The following ZNF33A variants were observed in gnomAD, a reference collection of about 807,000 sequenced individuals.
ZNF33A encodes brain my041 protein.
In ZNF33A, 9 loss-of-function variants were observed where a neutral mutation model predicts 15.9. The observed-to-expected ratio is 0.57, with a 90% confidence interval of 0.34 to 0.99. ZNF33A has a LOEUF of 0.99. Ranked by LOEUF, ZNF33A falls within the 50% of genes least tolerant of loss-of-function variation. The probability of loss-of-function intolerance (pLI) is 0.02; values close to 1 mark genes in which losing one functional copy is unlikely to be tolerated. For missense variants in ZNF33A, 843 were observed against 941.6 expected, an observed-to-expected ratio of 0.90 and a Z score of 1.37; for synonymous variants, 294 against 324.2, an observed-to-expected ratio of 0.91 and a Z score of 1.00.
chr10:38,030,576 T>A (rs2065170087), intron 4 of ZNF33A, among the ~76,000 whole-genome samples: 1 of 152,132 alleles, frequency 6.6e-6, no homozygotes, highest in Non-Finnish European at 1.5e-5. Flanking sequence ...GTAATGATAT[T>A]AAGAGTGTAA....
Position 38,055,556 on chromosome 10 carries a change from T to C in ZNF33A, c.1432T>C (p.Phe478Leu), listed in dbSNP as rs2066433226. 7 of 1,614,126 alleles carry C rather than the reference T, an allele frequency of 4.3e-6. No individual in the cohort carries two copies. Among genetic ancestry groups the C allele is most frequent in the Non-Finnish European group, 5.9e-6 (7 of 1,180,012 alleles). Residue 478 changes from phenylalanine to leucine, a missense_variant, in exon 5 of 5, where the codon TTT (phenylalanine) becomes CTT (leucine). Physicochemically the swap from Phe to Leu is conservative, Grantham distance 22. Transcript: ENST00000432900. ...TGAATGTCTTGAGTGTGGGAAATCC[T>C]TTAGTGAAAAGTCAAATCTTACACA... ...PFECLECGKS[F>L]SEKSNLTQHQ...
At position 38,056,346 on chromosome 10, in the gene ZNF33A, G is replaced by T. The variant is rs914828629; in HGVS notation, c.2222G>T (p.Arg741Ile). 6.2e-7 allele frequency: 1 copy of T among 1,614,002 alleles called. No homozygotes were observed. Among genetic ancestry groups the T allele is most frequent in the African/African-American group, 1.3e-5 (1 of 74,916 alleles). Residue 741 changes from arginine to isoleucine, a missense_variant, in exon 5 of 5, where the codon AGA becomes ATA. Arg to Ile is a moderately conservative substitution (Grantham distance 97, BLOSUM62 -3). Transcript: ENST00000432900. ...YRKSELAQHQ[R>I]SHTGEKPYEC... ...AAATCGGAACTTGCTCAACATCAGA[G>T]ATCACATACAGGGGAAAAGCCCTAT...
chr10:38,066,305 G>T (rs751185404), downstream of ZNF33A, among the ~76,000 whole-genome samples: 1 of 151,588 alleles, frequency 6.6e-6, no homozygotes, highest in Non-Finnish European at 1.5e-5. Flanking sequence ...TTGAGACAGA[G>T]TCTCACTCTG....
chr10:38,030,933 CAT>C (rs1205044929), intron 4 of ZNF33A, among the ~76,000 whole-genome samples: 2 of 152,080 alleles, frequency 1.3e-5, no homozygotes, highest in Non-Finnish European at 2.9e-5. Context: ...GAAATGACAA[CAT>C]AGAGATGGAG....
chr10:38,066,208 T>C (rs1274605629), downstream of ZNF33A, among the ~76,000 whole-genome samples: 1 of 152,180 alleles, frequency 6.6e-6, no homozygotes, highest in Non-Finnish European at 1.5e-5. Flanking sequence ...TGGATACACT[T>C]CTCCTGGTGT....
At chr10:38,015,258 A>G (rs17586860) in intron 2 of ZNF33A, among the ~76,000 whole-genome samples, 9,111 of 152,040 alleles carry the variant, frequency 0.06, 350 homozygotes, top group Middle Eastern at 0.095. Context: ...ACACCACTAT[A>G]TTATAAATGT....
chr10:38,021,047 C>T (rs1053920166), intron 4 of ZNF33A, among the ~76,000 whole-genome samples: 3 of 152,046 alleles, frequency 2.0e-5, no homozygotes, highest in Non-Finnish European at 2.9e-5. Context: ...TGGGTATGAT[C>T]GGTGGTGTTC....
At chr10:38,049,096 AT>A (rs2066083721) in intron 4 of ZNF33A, among the ~76,000 whole-genome samples, 1 of 152,168 alleles carries the variant, frequency 6.6e-6, no homozygotes, top group Non-Finnish European at 1.5e-5. Flanking sequence ...AGGGGTTTAA[AT>A]TTAGTTAAAT....
downstream of ZNF33A, among the ~76,000 whole-genome samples, chr10:38,066,740 G>T (rs746259515): frequency 1.3e-5 from 2 of 152,010 alleles, no homozygotes; most frequent in African/African-American, 2.4e-5. Context: ...TTTGAGACCA[G>T]CCTGGCTAAC....
intron 4 of ZNF33A, among the ~76,000 whole-genome samples, chr10:38,039,078 A>C (rs1298193817): frequency 2.0e-5 from 3 of 152,088 alleles, no homozygotes; most frequent in Non-Finnish European, 2.9e-5. Context: ...TATTGGGATC[A>C]TAGAATGAGC....
chr10:38,016,487 A>T (rs2135546023), intron 2 of ZNF33A, among the ~76,000 whole-genome samples: 1 of 152,320 alleles, frequency 6.6e-6, no homozygotes, highest in East Asian at 1.9e-4. Context: ...TTCATAATTC[A>T]ACCAACAGCT....
chr10:38,055,425 C>T lies in ZNF33A; in HGVS notation c.1301C>T (p.Thr434Ile). ...TCTGACCTCACTAAACATCAGAGAA[C>T]ACACACAGGGCTGAAACCCTATGAA... ...QKSDLTKHQRTHTGLKPYECY... is the reference protein window; with the variant it reads ...QKSDLTKHQRIHTGLKPYECY... The change falls in exon 5 of 5, where the codon ACA becomes ATA. Residue 434 changes from threonine to isoleucine, a missense_variant. Thr to Ile is a moderately conservative substitution (Grantham distance 89). Coordinates refer to ENST00000432900, the MANE Select transcript of ZNF33A (RefSeq NM_006954.2). The T allele has an allele frequency of 1.2e-6, 2 of 1,614,022 alleles. No homozygotes were observed. The highest frequency in any genetic ancestry group is 1.7e-6 in the Non-Finnish European group (2 of 1,179,980).
At chr10:38,041,444 C>G (rs2065695593) in intron 4 of ZNF33A, among the ~76,000 whole-genome samples, 2 of 152,098 alleles carry the variant, frequency 1.3e-5, no homozygotes, top group South Asian at 4.1e-4. Context: ...TTATCAAAAT[C>G]TACTTCAGAT....
At chr10:38,034,726 T>G (rs1022674277) in intron 4 of ZNF33A, among the ~76,000 whole-genome samples, 1 of 152,200 alleles carries the variant, frequency 6.6e-6, no homozygotes, top group African/African-American at 2.4e-5. Context: ...ACTTTCTTTC[T>G]GTCACTACAA....
chr10:38,026,267 T>A (rs1205469285), intron 4 of ZNF33A, among the ~76,000 whole-genome samples: 2 of 1,160 alleles, frequency 1.7e-3, no homozygotes, highest in African/African-American at 1.8e-3. Context: ...AGAATTCTTT[T>A]ATCAAAGTAT....
chr10:38,066,460 G>T (rs2066710273), downstream of ZNF33A, among the ~76,000 whole-genome samples: 1 of 151,656 alleles, frequency 6.6e-6, no homozygotes, highest in African/African-American at 2.4e-5. Flanking sequence ...CACCGTCTTG[G>T]CCAGGCCGGT....
In ZNF33A at chr10:38,054,394, C is replaced by T. The variant is rs1365158913; in HGVS notation, c.270C>T (p.His90=). The T allele has an allele frequency of 6.3e-7, 1 of 1,576,658 alleles. No homozygotes were observed. Among genetic ancestry groups the T allele is most frequent in the Non-Finnish European group, 8.6e-7 (1 of 1,165,032 alleles). Residue 90 remains histidine, a synonymous_variant, in exon 5 of 5, where the codon CAC becomes CAT. Transcript: ENST00000432900. ...TTCTAGAAGTCTGGACAGCTGATCA[C>T]CTGAAAGAGAGGAGCCAAGAAAACC... ...QSFPEVWTAD[H]LKERSQENQS...
chr10:38,031,569 C>CAA (rs764863293), intron 4 of ZNF33A, among the ~76,000 whole-genome samples: 12 of 70,930 alleles, frequency 1.7e-4, no homozygotes, highest in Non-Finnish European at 2.9e-4. Context: ...GACCTTGCCT[C>CAA]AAAAAAAAAA....
intron 2 of ZNF33A, among the ~76,000 whole-genome samples, chr10:38,013,396 A>C (rs1227734030): frequency 6.6e-6 from 1 of 150,734 alleles, no homozygotes; most frequent in Non-Finnish European, 1.5e-5. Flanking sequence ...GGCGTGAGCC[A>C]CTGCACCCAG....
Sources: gnomAD v4.1 joint callset for allele counts (sites outside exome capture counted in the v4.1 genomes callset) on GRCh38, gnomAD v4.1.1 for gene constraint, MANE v1.5 for transcripts, NCBI Gene and HGNC (gene_info 2026-07-23, HGNC 2026-07-21) for gene names.